Variants in SIMC1 observed in about 807,000 individuals in gnomAD.
SIMC1 encodes SUMO interacting motifs containing 1, also known as SUMO-interacting motif-containing protein 1.
A neutral mutation model predicts 82.3 loss-of-function variants in SIMC1; 55 were observed. That is an observed-to-expected ratio of 0.67 (90% CI 0.54 to 0.84). The LOEUF is 0.84. SIMC1 is among the 40% of genes least tolerant of loss of function. The pLI, the probability that SIMC1 is intolerant of heterozygous loss-of-function variation, is 0.00. For missense variants in SIMC1, 915 were observed against 1,107.2 expected (o/e 0.83, Z 2.46); for synonymous variants, 353 against 426.3 (o/e 0.83, Z 2.12).
rs1373377310 is a variant in SIMC1, at chr5:176,306,004, G to A, written c.1735-7687G>A. Among the ~76,000 whole-genome samples, 8 of 63,018 alleles carry A rather than the reference G, an allele frequency of 1.3e-4. 1 individual carries two copies. Among genetic ancestry groups the A allele is most frequent in the African/African-American group, 1.8e-4 (3 of 16,398 alleles). The allele number at this position is 63,018 out of a possible 152,430, so 41.3% of individuals were successfully genotyped here. On this transcript the variant is annotated intron_variant, in intron 4 of 9. Transcript: ENST00000429602. ...AGGTGGGGGGGTCAGCCCCCCGCCC[G>A]GCCAGCCGCCCCGTCCGGGAGGGAG...
Position 176,290,656 on chromosome 5 carries a change from G to A in SIMC1, c.1132G>A (p.Val378Ile), listed in dbSNP as rs766530770. The change falls in exon 2 of 10, where the codon GTA (valine) becomes ATA (isoleucine). Residue 378 changes from valine to isoleucine, a missense_variant. By Grantham distance (29) the Val-to-Ile change is conservative. Transcript: ENST00000429602. ...GDRPDFTQND[V>I]QNRDMPMDIS... is the part of the protein sequence containing the mutation. The stretch of plus-strand genomic sequence containing the variant: ...CAGGCCTGACTTTACCCAGAATGAT[G>A]TACAGAACCGTGACATGCCTATGGA... 12 of 1,613,858 alleles carry A rather than the reference G, an allele frequency of 7.4e-6. No homozygotes were observed. The highest frequency in any genetic ancestry group is 1.7e-5 in the Admixed American group (1 of 59,988).
intron 2 of SIMC1, among the ~76,000 whole-genome samples, chr5:176,292,811 G>A (rs1763643199): frequency 6.6e-6 from 1 of 152,172 alleles, no homozygotes; most frequent in African/African-American, 2.4e-5. Flanking sequence ...AAAGTTCTGG[G>A]ATTACAGGCG....
intron 1 of SIMC1, among the ~76,000 whole-genome samples, chr5:176,247,860 G>T (rs1477953136): frequency 4.0e-5 from 6 of 151,850 alleles, no homozygotes; most frequent in African/African-American, 1.5e-4. Flanking sequence ...TTATTAAGTA[G>T]GGAATTCTTT....
At chr5:176,249,108 T>C (rs1395602854) in intron 1 of SIMC1, among the ~76,000 whole-genome samples, 1 of 152,190 alleles carries the variant, frequency 6.6e-6, no homozygotes, top group Non-Finnish European at 1.5e-5. Context: ...AGGATGATGC[T>C]GGCCTCATAA....
chr5:176,251,483 A>G (rs1761650071), intron 1 of SIMC1, among the ~76,000 whole-genome samples: 1 of 152,058 alleles, frequency 6.6e-6, no homozygotes. Flanking sequence ...TGATGACAAA[A>G]TCTCTCAGCA....
chr5:176,260,973 A>T (rs1367460494), intron 1 of SIMC1: 1 of 152,248 alleles, frequency 6.6e-6, no homozygotes, highest in Non-Finnish European at 1.5e-5. Flanking sequence ...AGCAGTGGCA[A>T]CTACATACAG....
chr5:176,286,466 T>C (rs7378732), intron 1 of SIMC1, among the ~76,000 whole-genome samples: 113,277 of 151,588 alleles, frequency 0.75, 42,315 homozygotes, highest in Middle Eastern at 0.85. Context: ...CCCTTCCTTA[T>C]ACCTTATACA....
At chr5:176,270,794 G>C (rs1395209558) in intron 1 of SIMC1, among the ~76,000 whole-genome samples, 2 of 152,218 alleles carry the variant, frequency 1.3e-5, no homozygotes, top group Non-Finnish European at 2.9e-5. Context: ...GACATAGCCA[G>C]AGGCAAATCG....
Position 176,295,120 on chromosome 5 carries a change from C to G in SIMC1, c.1522C>G (p.Gln508Glu), listed in dbSNP as rs377387901. 4 of 1,613,476 alleles carry G rather than the reference C, an allele frequency of 2.5e-6. No individual in the cohort carries two copies. In the African/African-American group the frequency reaches 5.3e-5, roughly 22 times the overall value. Residue 508 changes from glutamine (Q) to glutamate (E), a missense_variant, in exon 3 of 10, where the codon CAG becomes GAG. By Grantham distance (29) the Gln-to-Glu change is conservative. This residue lies in a region of SIMC1 where 902 missense variants were observed against 1,040.3 expected (regional missense o/e 0.87). Coordinates refer to ENST00000429602, the MANE Select transcript of SIMC1 (RefSeq NM_001308195.2). ...AGAGAATTTTCCTCTGGGGACTGTG[C>G]AGTTTTTGATGGACTTTGTGTCACC... Reference protein sequence around the residue: ...IEENFPLGTVQFLMDFVSPQH... With the variant: ...IEENFPLGTVEFLMDFVSPQH...
In SIMC1 at chr5:176,344,902, C is replaced by T. The variant is rs559653563; in HGVS notation, c.2414-281C>T. 7.9e-5 allele frequency among the ~76,000 whole-genome samples: 12 copies of T among 152,234 alleles called. No individual in the cohort carries two copies. The South Asian group carries it at 2.5e-3, about 32-fold the overall frequency. ...AGATGAATATGTCTAATTGTTTCCT[C>T]AGTATTTTCATTTTTTGACCATGTT... On this transcript the variant is annotated intron_variant, in intron 9 of 9. Transcript: ENST00000429602.
rs772679526 is a variant in SIMC1, at chr5:176,313,765, C to G, written c.1809C>G (p.Thr603=). The part of the protein sequence containing the change: ...VQTLEDDFQQ[T]LRRQRQHLQQ... The stretch of plus-strand genomic sequence containing the variant: ...CCCTAGAAGATGACTTTCAGCAGAC[C>G]CTGAGGAGGCAACGGCAGCACCTGC... Residue 603 remains threonine (T), a synonymous_variant, in exon 5 of 10, where the codon ACC becomes ACG. Coordinates refer to ENST00000429602, the MANE Select transcript of SIMC1 (RefSeq NM_001308195.2). 3 of 1,613,926 alleles carry G rather than the reference C, an allele frequency of 1.9e-6. No individual in the cohort carries two copies. The highest frequency in any genetic ancestry group is 2.2e-5 in the South Asian group (2 of 91,080).
intron 4 of SIMC1, among the ~76,000 whole-genome samples, chr5:176,299,192 A>G (rs1274663962): frequency 6.6e-6 from 1 of 152,224 alleles, no homozygotes; most frequent in Non-Finnish European, 1.5e-5. Flanking sequence ...TCAGGAGTTC[A>G]GGACCAGCCT....
intron 1 of SIMC1, among the ~76,000 whole-genome samples, chr5:176,262,990 A>G (rs1320308955): frequency 6.6e-6 from 1 of 151,632 alleles, no homozygotes; most frequent in African/African-American, 2.4e-5. Context: ...TTTCCTATAT[A>G]CTAACAATGA....
intron 1 of SIMC1, among the ~76,000 whole-genome samples, chr5:176,285,409 C>G (rs1763224224): frequency 6.6e-6 from 1 of 152,152 alleles, no homozygotes; most frequent in African/African-American, 2.4e-5. Flanking sequence ...TCAATAGATG[C>G]AGAAAAGGCC....
intron 1 of SIMC1, among the ~76,000 whole-genome samples, chr5:176,260,700 C>T (rs150490477): frequency 0.14 from 21,411 of 151,922 alleles, 1,531 homozygotes; most frequent in Middle Eastern, 0.21. Context: ...ATATATACCA[C>T]TATTGTGGAC....
chr5:176,302,982 G>GA (rs745893371), intron 4 of SIMC1, among the ~76,000 whole-genome samples: 54 of 152,168 alleles, frequency 3.5e-4, no homozygotes, highest in Non-Finnish European at 6.9e-4. Context: ...TACCCAAAGT[G>GA]ATCTACAGGT....
rs377184269 is a variant in SIMC1, at chr5:176,279,047, C to G, written c.130-10607C>G. On this transcript the variant is annotated intron_variant, in intron 1 of 9. Transcript: ENST00000429602. ...GTGGTACCAGCTCCTCCTTATACCT[C>G]TGGTAGAATTCGGCTGTGAATCCAT... Among the ~76,000 whole-genome samples, 10 of 152,118 alleles carry G rather than the reference C, an allele frequency of 6.6e-5. No homozygotes were observed. The East Asian group carries it at 1.5e-3, about 23-fold the overall frequency.
chr5:176,337,084 C>T lies in SIMC1; in HGVS notation c.2351C>T (p.Thr784Ile), dbSNP rs776785837. ...CAGTCAGATAAAAGCCAGTGGCAGA[C>T]TTGGGACGAATTGGTTGAGCATCTG... is the stretch of plus-strand genomic sequence containing the variant. ...KCQSDKSQWQTWDELVEHLQF... is the reference protein window; with the variant it reads ...KCQSDKSQWQIWDELVEHLQF... Residue 784 changes from threonine to isoleucine, a missense_variant, in exon 9 of 10, where the codon ACT becomes ATT. This residue lies in a region of SIMC1 where 902 missense variants were observed against 1,040.3 expected (regional missense o/e 0.87). Coordinates refer to ENST00000429602, the MANE Select transcript of SIMC1 (RefSeq NM_001308195.2). 6.2e-7 allele frequency: 1 copy of T among 1,613,988 alleles called. No homozygotes were observed. The highest frequency in any genetic ancestry group is 8.5e-7 in the Non-Finnish European group (1 of 1,179,896).
chr5:176,288,297 A>G (rs1763385343), intron 1 of SIMC1, among the ~76,000 whole-genome samples: 1 of 152,168 alleles, frequency 6.6e-6, no homozygotes, highest in Non-Finnish European at 1.5e-5. Context: ...AATCCCAGCT[A>G]CTTGGGAGGC....
Sources: allele counts gnomAD v4.1 joint callset (sites outside exome capture counted in the v4.1 genomes callset), GRCh38; gene constraint gnomAD v4.1.1; regional missense constraint gnomAD v4.1.1; transcripts MANE v1.5; gene names NCBI Gene and HGNC (gene_info 2026-07-23, HGNC 2026-07-21).